TRPM4: variants seen among roughly 807,000 people sequenced by gnomAD.
TRPM4 encodes transient receptor potential cation channel subfamily M member 4.
A neutral mutation model predicts 135.6 loss-of-function variants in TRPM4; 124 were observed. The ratio of observed to expected loss-of-function variants is 0.91; its 90% CI spans 0.79 to 1.06. The LOEUF (loss-of-function observed/expected upper bound fraction) is 1.06, where lower values mean the gene tolerates loss of function less well. Ranked by LOEUF, TRPM4 falls within the 50% of genes least tolerant of loss-of-function variation. The pLI is 0.00. For missense variants in TRPM4, 1,658 were observed against 1,671.4 expected (o/e 0.99, Z 0.14); for synonymous variants, 745 against 705.6 (o/e 1.06, Z -0.88).
At chr19:49,190,111 G>C in intron 14 of TRPM4, 97 bp from the exon 15 acceptor site, 1 of 1,007,500 alleles carries the variant, frequency 9.9e-7, no homozygotes, top group African/African-American at 1.6e-5. Context: ...TTGGGCACTT[G>C]CTCTGTACTC....
At position 49,188,751 on chromosome 19, in the gene TRPM4, G is replaced by A. The variant is rs1968293504; in HGVS notation, c.1854G>A (p.Lys618=). 1.2e-6 allele frequency: 2 copies of A among 1,614,114 alleles called. No individual in the cohort carries two copies. Among genetic ancestry groups the A allele is most frequent in the South Asian group, 2.2e-5 (2 of 91,094 alleles). ...CACGGAGGAAAGACCTGGCGTTCAA[G>A]TTTGAGGGGATGGGCGTTGGTGCGT... ...EAARRKDLAF[K]FEGMGVDLFG... The change falls in exon 13 of 25, where the codon AAG becomes AAA. Residue 618 remains lysine, a synonymous_variant. Coordinates refer to ENST00000252826, the MANE Select transcript of TRPM4 (RefSeq NM_017636.4).
At chr19:49,183,775 CTT>C (rs112249914) in intron 12 of TRPM4, among the ~76,000 whole-genome samples, 15 of 124,250 alleles carry the variant, frequency 1.2e-4, no homozygotes, top group East Asian at 2.6e-4. Flanking sequence ...TTTTCTTTTT[CTT>C]TTTTTTTTTT....
chr19:49,187,356 A>G (rs1231182112), intron 12 of TRPM4, among the ~76,000 whole-genome samples: 1 of 151,926 alleles, frequency 6.6e-6, no homozygotes, highest in African/African-American at 2.4e-5. Flanking sequence ...TAAAAATTTC[A>G]TTGTTAGAGA....
In TRPM4 at chr19:49,167,666, G is replaced by C. The variant is rs140678615; in HGVS notation, c.268-251G>C. On this transcript the variant is annotated intron_variant, in intron 3 of 24. Coordinates refer to ENST00000252826, the MANE Select transcript of TRPM4 (RefSeq NM_017636.4). Reference sequence around the variant, plus strand: ...CTCTCTCTCTGGGTCTCTGTCCCATGTCTCTGGGTCTCTGTCCCTCTCTCT... The same window carrying C: ...CTCTCTCTCTGGGTCTCTGTCCCATCTCTCTGGGTCTCTGTCCCTCTCTCT... The C allele has an allele frequency of 3.5e-4, 78 of 221,660 alleles. 5 individuals carry two copies. Among genetic ancestry groups the C allele is most frequent in the South Asian group, 1.1e-3 (20 of 18,652 alleles). 13.7% of individuals were successfully genotyped at this position (221,660 alleles called of 1,614,324 possible).
At chr19:49,204,982 G>GTTTTTTTT (rs756332219) in intron 20 of TRPM4, among the ~76,000 whole-genome samples, 1 of 60,758 alleles carries the variant, frequency 1.6e-5, no homozygotes, top group African/African-American at 5.7e-5. Flanking sequence ...GGCTTTGGTT[G>GTTTTTTTT]TTTTTTTTTT....
At chr19:49,162,561 C>CAAAA (rs756995919) in intron 2 of TRPM4, among the ~76,000 whole-genome samples, 1 of 148,948 alleles carries the variant, frequency 6.7e-6, no homozygotes, top group Non-Finnish European at 1.5e-5. Flanking sequence ...AACAAACAAA[C>CAAAA]AAACAAAAAA....
In TRPM4 at chr19:49,196,625, G is replaced by T; in HGVS notation, c.2396G>T (p.Arg799Leu). 1 of 1,553,032 alleles carries T rather than the reference G, an allele frequency of 6.4e-7. No homozygotes were observed. The highest frequency in any genetic ancestry group is 8.7e-7 in the Non-Finnish European group (1 of 1,151,904). The stretch of plus-strand genomic sequence containing the variant: ...CTGCTGTTCCTGCTGCTTTTCTCGC[G>T]GGTGCTGCTCGTGGATTTCCAGCCG... ...SYLLFLLLFS[R>L]VLLVDFQPAP... The change falls in exon 17 of 25, where the codon CGG becomes CTG. Residue 799 changes from arginine to leucine, a missense_variant. Arg to Leu is a moderately radical substitution (Grantham distance 102). Transcript: ENST00000252826.
At chr19:49,195,621 C>T (rs1234856882) in intron 16 of TRPM4, among the ~76,000 whole-genome samples, 3 of 151,580 alleles carry the variant, frequency 2.0e-5, no homozygotes, top group Non-Finnish European at 4.4e-5. Flanking sequence ...CTGCCTGCCT[C>T]GGCCTCCCCA....
chr19:49,188,285 C>G (rs909657420), intron 12 of TRPM4, among the ~76,000 whole-genome samples: 3 of 152,142 alleles, frequency 2.0e-5, no homozygotes, highest in African/African-American at 7.2e-5. Flanking sequence ...ATAATTTTCT[C>G]AGTTATCATT....
In TRPM4 at chr19:49,190,687, C is replaced by G. The variant is rs530013543; in HGVS notation, c.2133-9C>G. 90 of 1,613,890 alleles carry G rather than the reference C, an allele frequency of 5.6e-5. 1 individual carries two copies. Among genetic ancestry groups the G allele is most frequent in the Middle Eastern group, 1.6e-4 (1 of 6,084 alleles). On this transcript the variant is annotated splice_polypyrimidine_tract_variant and intron_variant, in intron 15 of 24. Transcript: ENST00000252826. The stretch of plus-strand genomic sequence containing the variant: ...CTCATTTCTTGCTCTGTGCTTCCCC[C>G]CTTGCTAGGAAATCAGAAGAGGAGC...
chr19:49,175,063 C>T lies in TRPM4; in HGVS notation c.1150+2955C>T, dbSNP rs981130820. ...GGACCACAGGCATGTGCCATCATGC[C>T]TGGCTTTTTTTTTTTTTTTTTTTTT... On this transcript the variant is annotated intron_variant, in intron 9 of 24. Coordinates refer to ENST00000252826, the MANE Select transcript of TRPM4 (RefSeq NM_017636.4). 5.8e-5 allele frequency among the ~76,000 whole-genome samples: 7 copies of T among 120,008 alleles called. No homozygotes were observed. In the East Asian group the frequency reaches 1.7e-3, roughly 30 times the overall value. The allele number at this position is 120,008 out of a possible 152,430, so 78.7% of individuals were successfully genotyped here. A position where few individuals can be genotyped will look rare whatever the true frequency, so the allele number is the denominator to read the frequency against.
intron 9 of TRPM4, among the ~76,000 whole-genome samples, chr19:49,175,067 CTTTTTTTTTT>C (rs772062913): frequency 2.0e-3 from 159 of 77,590 alleles, no homozygotes; most frequent in African/African-American, 0.011. Context: ...TCATGCCTGG[CTTTTTTTTTT>C]TTTTTTTTTT....
At chr19:49,172,952 C>T (rs1967526561) in intron 9 of TRPM4, among the ~76,000 whole-genome samples, 1 of 149,084 alleles carries the variant, frequency 6.7e-6, no homozygotes, top group Non-Finnish European at 1.5e-5. Flanking sequence ...ACTGACAATT[C>T]CATCCACTTA....
intron 19 of TRPM4, 137 bp downstream of exon 19, chr19:49,200,922 C>A (rs1256344434): frequency 3.4e-6 from 3 of 887,372 alleles, no homozygotes; most frequent in African/African-American, 3.3e-5. Context: ...CTGAGTGATA[C>A]CCTATATTCC....
intron 2 of TRPM4, among the ~76,000 whole-genome samples, chr19:49,160,149 G>A (rs954505977): frequency 1.3e-5 from 2 of 152,230 alleles, no homozygotes; most frequent in East Asian, 1.9e-4. Flanking sequence ...GGGAGGAAGA[G>A]TGGCTAGTGA....
rs555253063 is a variant in TRPM4 at position 49,190,286 on chromosome 19, C to T, written c.2098C>T (p.Pro700Ser). The change falls in exon 15 of 25, where the codon CCT (proline) becomes TCT (serine). Residue 700 changes from proline to serine, a missense_variant. Coordinates refer to ENST00000252826, the MANE Select transcript of TRPM4 (RefSeq NM_017636.4). ...IWALVLAFFC[P>S]PLIYTRLITF... ...GGCCCTGGTTCTCGCCTTCTTTTGC[C>T]CTCCACTCATCTACACCCGCCTCAT... The T allele has an allele frequency of 3.1e-6, 5 of 1,613,834 alleles. No homozygotes were observed. Among genetic ancestry groups the T allele is most frequent in the Admixed American group, 1.7e-5 (1 of 59,982 alleles).
chr19:49,204,914 T>C (rs2145981376), intron 20 of TRPM4, among the ~76,000 whole-genome samples: 1 of 150,452 alleles, frequency 6.6e-6, no homozygotes, highest in Middle Eastern at 3.4e-3. Flanking sequence ...GTTAGGTCTC[T>C]CTGTTTGCTT....
chr19:49,161,861 C>G, intron 2 of TRPM4, among the ~76,000 whole-genome samples: 1 of 152,148 alleles, frequency 6.6e-6, no homozygotes, highest in African/African-American at 2.4e-5. Context: ...AACTCCTGAC[C>G]TCAAGTGATC....
In TRPM4 at chr19:49,211,183, T is replaced by C; in HGVS notation, c.3554T>C (p.Val1185Ala). The change falls in exon 24 of 25, where the codon GTC (valine) becomes GCC (alanine). Residue 1185 changes from valine to alanine, a missense_variant. This residue lies in a region of TRPM4 where 1,412 missense variants were observed against 1,408.7 expected (regional missense o/e 1.00). Transcript: ENST00000252826. The surrounding 1 kb of genome is among the most constrained non-coding windows in gnomAD (Gnocchi z 4.8). ...CCGCAGGTCCAGCAGTGTAGCCGCG[T>C]CCTGGGGTGGGTGGCCGAGGCCCTG... Reference protein sequence around the residue: ...LEREVQQCSRVLGWVAEALSR... With the variant: ...LEREVQQCSRALGWVAEALSR... 1 of 1,604,860 alleles carries C rather than the reference T, an allele frequency of 6.2e-7. No individual in the cohort carries two copies. The highest frequency in any genetic ancestry group is 1.1e-5 in the South Asian group (1 of 89,510).
Sources: allele counts gnomAD v4.1 joint callset (sites outside exome capture counted in the v4.1 genomes callset), GRCh38; gene constraint gnomAD v4.1.1; regional missense constraint gnomAD v4.1.1; non-coding constraint Gnocchi (gnomAD v3.1); transcripts MANE v1.5; gene names NCBI Gene and HGNC (gene_info 2026-07-23, HGNC 2026-07-21).